The following MGMT variants were observed in gnomAD, a reference collection of about 807,000 sequenced individuals.
MGMT encodes the protein O-6-methylguanine-DNA methyltransferase.
MGMT carries 14 observed loss-of-function variants against 15.9 expected under a neutral mutation model. The ratio of observed to expected loss-of-function variants is 0.88; its 90% CI spans 0.58 to 1.37. MGMT has a LOEUF of 1.37. Among genes scored for constraint, MGMT ranks in the 40% most tolerant of loss-of-function variants. The pLI is 0.00. For missense variants in MGMT, 282 were observed against 268.1 expected, an observed-to-expected ratio of 1.05 and a Z score of -0.36; for synonymous variants, 130 against 118.2, an observed-to-expected ratio of 1.10 and a Z score of -0.65.
intron 3 of MGMT, among the ~76,000 whole-genome samples, chr10:129,732,380 C>T (rs539187761): frequency 2.7e-5 from 4 of 148,374 alleles, no homozygotes; most frequent in Admixed American, 1.4e-4. Flanking sequence ...GTTCAGTTCC[C>T]ACCTGTGAGT....
chr10:129,642,578 C>T (rs1231576237), intron 2 of MGMT, among the ~76,000 whole-genome samples: 1 of 152,196 alleles, frequency 6.6e-6, no homozygotes, highest in Non-Finnish European at 1.5e-5. Context: ...GTCAACATGT[C>T]TGGCCTCAGG....
At chr10:129,535,516 C>G (rs1845975160) in intron 1 of MGMT, among the ~76,000 whole-genome samples, 1 of 152,224 alleles carries the variant, frequency 6.6e-6, no homozygotes, top group Admixed American at 6.5e-5. Context: ...TGCTATCATA[C>G]CCAGCTAATT....
intron 1 of MGMT, among the ~76,000 whole-genome samples, chr10:129,530,005 ATCC>A (rs1845913287): frequency 6.6e-6 from 1 of 152,068 alleles, no homozygotes; most frequent in Admixed American, 6.6e-5. Context: ...GGCTCAAGCA[ATCC>A]TCCTGCCTCA....
At chr10:129,638,151 CACTTA>C (rs1402786815) in intron 2 of MGMT, among the ~76,000 whole-genome samples, 1 of 152,066 alleles carries the variant, frequency 6.6e-6, no homozygotes, top group Non-Finnish European at 1.5e-5. Context: ...TGACATGTTT[CACTTA>C]ACTTCATCTA....
rs180841618 is a variant in MGMT, at chr10:129,606,912, T to G, written c.125+70535T>G. On this transcript the variant is annotated intron_variant, in intron 2 of 4. Coordinates refer to ENST00000651593, the MANE Select transcript of MGMT (RefSeq NM_002412.5). Reference sequence around the variant, plus strand: ...AAGCAATGCATTTTTGTAGGAATAATCTATAACAGTATTTGACTGCAATAT... The same window carrying G: ...AAGCAATGCATTTTTGTAGGAATAAGCTATAACAGTATTTGACTGCAATAT... 3.3e-4 allele frequency among the ~76,000 whole-genome samples: 50 copies of G among 152,354 alleles called. 1 individual carries two copies. The East Asian group carries it at 9.1e-3, about 28-fold the overall frequency.
chr10:129,576,308 C>G (rs1201583671), intron 2 of MGMT, among the ~76,000 whole-genome samples: 1 of 152,148 alleles, frequency 6.6e-6, no homozygotes, highest in Admixed American at 6.5e-5. Context: ...CAAACCAAAT[C>G]CAGCAGCACA....
At chr10:129,652,856 G>T (rs1000857374) in intron 2 of MGMT, among the ~76,000 whole-genome samples, 1 of 152,230 alleles carries the variant, frequency 6.6e-6, no homozygotes, top group Admixed American at 6.5e-5. Flanking sequence ...AGCTGTGGCC[G>T]CAGTCTCCAC....
chr10:129,671,786 G>C (rs945456681), intron 2 of MGMT, among the ~76,000 whole-genome samples: 21 of 152,166 alleles, frequency 1.4e-4, no homozygotes, highest in African/African-American at 4.8e-4. Flanking sequence ...GTGAAGTTCT[G>C]ACATAACATC....
At chr10:129,545,052 C>A (rs1846084491) in intron 2 of MGMT, among the ~76,000 whole-genome samples, 1 of 152,184 alleles carries the variant, frequency 6.6e-6, no homozygotes, top group Non-Finnish European at 1.5e-5. Context: ...TCCGTCACTG[C>A]ACTTCGTCCT....
rs570204449 is a variant in MGMT at position 129,628,823 on chromosome 10, C to T, written c.126-79072C>T. Among the ~76,000 whole-genome samples, 352 of 152,304 alleles carry T rather than the reference C, an allele frequency of 2.3e-3. 1 individual carries two copies. Among genetic ancestry groups the T allele is most frequent in the African/African-American group, 8.0e-3 (332 of 41,562 alleles). Reference sequence around the variant, plus strand: ...AGTCAGATTTAAGCTGACTTCACCCCTCTTCCCTTGCTTCTGAAGATTCTG... The same window carrying T: ...AGTCAGATTTAAGCTGACTTCACCCTTCTTCCCTTGCTTCTGAAGATTCTG... On this transcript the variant is annotated intron_variant, in intron 2 of 4. Transcript: ENST00000651593.
intron 2 of MGMT, among the ~76,000 whole-genome samples, chr10:129,639,614 A>G (rs1847303831): frequency 2.0e-5 from 3 of 152,214 alleles, no homozygotes; most frequent in African/African-American, 7.2e-5. Context: ...TCACAGGGAA[A>G]CTTAGAAAAT....
chr10:129,578,621 A>G (rs904031736), intron 2 of MGMT, among the ~76,000 whole-genome samples: 13 of 152,212 alleles, frequency 8.5e-5, no homozygotes, highest in African/African-American at 2.9e-4. Context: ...AACATGGCAC[A>G]TGTATATGTA....
intron 2 of MGMT, among the ~76,000 whole-genome samples, chr10:129,639,973 T>G: frequency 6.8e-6 from 1 of 146,910 alleles, no homozygotes. Context: ...GAGAGTGAAG[T>G]CATATATTAA....
chr10:129,688,543 A>G (rs1328547034), intron 2 of MGMT, among the ~76,000 whole-genome samples: 1 of 151,834 alleles, frequency 6.6e-6, no homozygotes, highest in African/African-American at 2.4e-5. Context: ...GTGTTGTTTG[A>G]TTTTTTTCTT....
intron 3 of MGMT, among the ~76,000 whole-genome samples, chr10:129,731,248 C>A (rs920794382): frequency 6.6e-6 from 1 of 152,132 alleles, no homozygotes; most frequent in African/African-American, 2.4e-5. Context: ...ACCCTTCAGA[C>A]CCTCGATTCC....
chr10:129,695,000 T>C (rs1364708935), intron 2 of MGMT, among the ~76,000 whole-genome samples: 1 of 152,246 alleles, frequency 6.6e-6, no homozygotes, highest in Non-Finnish European at 1.5e-5. Flanking sequence ...TTTCTGTAGT[T>C]AACGTTGTTT....
chr10:129,687,970 A>G (rs765311979), intron 2 of MGMT, among the ~76,000 whole-genome samples: 1 of 151,986 alleles, frequency 6.6e-6, no homozygotes, highest in African/African-American at 2.4e-5. Flanking sequence ...TCCTTGCAAT[A>G]GTTTGCTGAG....
intron 3 of MGMT, among the ~76,000 whole-genome samples, chr10:129,741,967 G>A (rs1423717645): frequency 1.3e-5 from 2 of 152,218 alleles, no homozygotes; most frequent in Admixed American, 6.5e-5. Flanking sequence ...GAGTTGCAAC[G>A]CCAGCTTTGC....
At chr10:129,616,803 C>T (rs533340472) in intron 2 of MGMT, among the ~76,000 whole-genome samples, 1 of 152,132 alleles carries the variant, frequency 6.6e-6, no homozygotes, top group African/African-American at 2.4e-5. Context: ...TGTCTCCTTT[C>T]TACTTGCAGA....
Sources: gnomAD v4.1 joint callset for allele counts (sites outside exome capture counted in the v4.1 genomes callset) on GRCh38, gnomAD v4.1.1 for gene constraint, MANE v1.5 for transcripts, NCBI Gene and HGNC (gene_info 2026-07-23, HGNC 2026-07-21) for gene names.